Variants in IKZF3 observed in about 807,000 individuals in gnomAD.
IKZF3 encodes zinc finger protein Aiolos.
IKZF3 carries 10 observed loss-of-function variants against 49.0 expected under a neutral mutation model. The ratio of observed to expected loss-of-function variants is 0.20; its 90% CI spans 0.13 to 0.35. The LOEUF (loss-of-function observed/expected upper bound fraction) is 0.35, where lower values mean the gene tolerates loss of function less well. Ranked by LOEUF, IKZF3 falls within the 10% of genes least tolerant of loss-of-function variation. IKZF3 has a pLI of 1.00. For synonymous variants in IKZF3, 209 were observed against 228.2 expected (o/e 0.92, Z 0.76); for missense variants, 498 against 664.8 (o/e 0.75, Z 2.76).
intron 3 of IKZF3, among the ~76,000 whole-genome samples, chr17:39,819,719 G>A (rs2144183133): frequency 6.6e-6 from 1 of 152,198 alleles, no homozygotes; most frequent in East Asian, 1.9e-4. Context: ...GTCCAGGCTG[G>A]AGTGCAGTGG....
intron 6 of IKZF3, among the ~76,000 whole-genome samples, chr17:39,782,870 A>T (rs2060779710): frequency 6.6e-6 from 1 of 152,220 alleles, no homozygotes; most frequent in South Asian, 2.1e-4. Flanking sequence ...AATAGTAGAC[A>T]TACTAATTTT....
At position 39,765,655 on chromosome 17, in the gene IKZF3, C is replaced by G; in HGVS notation, c.*135G>C. 1.6e-6 allele frequency: 1 copy of G among 615,044 alleles called. No homozygotes were observed. Among genetic ancestry groups the G allele is most frequent in the Non-Finnish European group, 2.8e-6 (1 of 357,560 alleles). The allele number at this position is 615,044 out of a possible 1,614,324, so 38.1% of individuals were successfully genotyped here. ...AGGAAGACAGTGTTTCCCTGGCTAC[C>G]CCTGTGAACACAGCTAAAAATGGTA... On this transcript the variant is annotated 3_prime_UTR_variant, in exon 8 of 8. Coordinates refer to ENST00000346872, the MANE Select transcript of IKZF3 (RefSeq NM_012481.5).
At chr17:39,835,641 TC>T in intron 1 of IKZF3, 1 of 436,042 alleles carries the variant, frequency 2.3e-6, no homozygotes, top group Non-Finnish European at 4.5e-6. Context: ...GCCGTCCGTG[TC>T]CAGGGAGCAG....
intron 3 of IKZF3, among the ~76,000 whole-genome samples, chr17:39,817,119 G>T (rs770163571): frequency 6.6e-6 from 1 of 152,066 alleles, no homozygotes; most frequent in Non-Finnish European, 1.5e-5. Context: ...CTGTCTTTCC[G>T]CAAGAGAAAA....
chr17:39,852,340 T>C (rs2062901883), intron 1 of IKZF3, among the ~76,000 whole-genome samples: 1 of 152,130 alleles, frequency 6.6e-6, no homozygotes, highest in African/African-American at 2.4e-5. Flanking sequence ...CCACTTCGAT[T>C]TGGTTTCCAT....
intron 3 of IKZF3, among the ~76,000 whole-genome samples, chr17:39,806,217 A>C (rs2061428855): frequency 6.6e-6 from 1 of 152,222 alleles, no homozygotes; most frequent in Admixed American, 6.5e-5. Context: ...ATTAAGCAAA[A>C]TAATGTATAT....
intron 3 of IKZF3, among the ~76,000 whole-genome samples, chr17:39,814,349 T>C (rs1048285719): frequency 6.6e-6 from 1 of 151,586 alleles, no homozygotes; most frequent in Non-Finnish European, 1.5e-5. Context: ...ATTAAATACA[T>C]ACACCGATTG....
At chr17:39,814,891 A>G (rs1437655214) in intron 3 of IKZF3, among the ~76,000 whole-genome samples, 1 of 152,172 alleles carries the variant, frequency 6.6e-6, no homozygotes, top group African/African-American at 2.4e-5. Flanking sequence ...GAAGCCCTGG[A>G]AAACTAAGAC....
At chr17:39,800,245 T>G (rs1336494170) in intron 3 of IKZF3, among the ~76,000 whole-genome samples, 1 of 152,220 alleles carries the variant, frequency 6.6e-6, no homozygotes, top group Non-Finnish European at 1.5e-5. Flanking sequence ...GACATACATC[T>G]TAAGTTGACA....
At chr17:39,816,878 T>C (rs756808533) in intron 3 of IKZF3, among the ~76,000 whole-genome samples, 2 of 152,074 alleles carry the variant, frequency 1.3e-5, no homozygotes, top group African/African-American at 2.4e-5. Context: ...CACGCCCAGC[T>C]AATTTTTGTA....
At chr17:39,798,507 AT>A (rs35545323) in intron 3 of IKZF3, among the ~76,000 whole-genome samples, 1,887 of 138,050 alleles carry the variant, frequency 0.014, 21 homozygotes, top group African/African-American at 0.027. Context: ...CATCCTACGT[AT>A]TTTTTTTTTT....
chr17:39,819,355 G>GT (rs2061749793), intron 3 of IKZF3, among the ~76,000 whole-genome samples: 2 of 152,152 alleles, frequency 1.3e-5, no homozygotes, highest in South Asian at 4.1e-4. Context: ...CTCAGAAACT[G>GT]TAACTCAGAA....
At chr17:39,840,515 T>C (rs1402777957) in intron 1 of IKZF3, among the ~76,000 whole-genome samples, 1 of 152,260 alleles carries the variant, frequency 6.6e-6, no homozygotes, top group African/African-American at 2.4e-5. Flanking sequence ...ATTAAAACTC[T>C]CCTTTGTTCT....
At position 39,788,267 on chromosome 17, in the gene IKZF3, C is replaced by G. The variant is rs753553360; in HGVS notation, c.700G>C (p.Gly234Arg). 21 of 1,610,520 alleles carry G rather than the reference C, an allele frequency of 1.3e-5. No individual in the cohort carries two copies. Among genetic ancestry groups the G allele is most frequent in the Non-Finnish European group, 1.8e-5 (21 of 1,176,914 alleles). The change falls in exon 6 of 8, where the codon GGG becomes CGG. Residue 234 changes from glycine (G) to arginine (R), a missense_variant. Gly to Arg is a moderately radical substitution (Grantham distance 125, BLOSUM62 -2). Coordinates refer to ENST00000346872, the MANE Select transcript of IKZF3 (RefSeq NM_012481.5). ...CRTFLQSTDP[G>R]DTASAEARHI... Reference sequence around the variant, plus strand: ...TGTTGCGTGAACTCACCAGTGTCCCCTGGGTCAGTGCTCTGAAGAAATGTA... The same window carrying G: ...TGTTGCGTGAACTCACCAGTGTCCCGTGGGTCAGTGCTCTGAAGAAATGTA...
chr17:39,853,048 T>C (rs1002165668), intron 1 of IKZF3, among the ~76,000 whole-genome samples: 2 of 152,216 alleles, frequency 1.3e-5, no homozygotes, highest in South Asian at 2.1e-4. Context: ...ACCTCTTCTT[T>C]AGAGGAGAGG....
chr17:39,800,573 C>T (rs1032049083), intron 3 of IKZF3, among the ~76,000 whole-genome samples: 3 of 152,122 alleles, frequency 2.0e-5, no homozygotes, highest in African/African-American at 7.2e-5. Flanking sequence ...ACTAAACTTT[C>T]TAAAGGAGCT....
At chr17:39,839,747 C>G (rs2062410417) in intron 1 of IKZF3, among the ~76,000 whole-genome samples, 1 of 151,986 alleles carries the variant, frequency 6.6e-6, no homozygotes, top group African/African-American at 2.4e-5. Flanking sequence ...CAACCTTGAC[C>G]TCCCTGGGCT....
At chr17:39,853,467 G>A (rs1268131236) in intron 1 of IKZF3, among the ~76,000 whole-genome samples, 2 of 152,192 alleles carry the variant, frequency 1.3e-5, no homozygotes, top group East Asian at 3.8e-4. Flanking sequence ...TGCAATGTAT[G>A]CTATCAGAGT....
At chr17:39,832,036 C>A in intron 2 of IKZF3, 62 bp downstream of exon 2, 1 of 1,226,534 alleles carries the variant, frequency 8.2e-7, no homozygotes, top group South Asian at 1.3e-5. Context: ...AAGCACATTC[C>A]TCTCTCTTTG....
Sources: allele counts gnomAD v4.1 joint callset (sites outside exome capture counted in the v4.1 genomes callset), GRCh38; gene constraint gnomAD v4.1.1; transcripts MANE v1.5; gene names NCBI Gene and HGNC (gene_info 2026-07-23, HGNC 2026-07-21).